LINGO2: variants seen among roughly 807,000 people sequenced by gnomAD.
The protein encoded by LINGO2 is leucine rich repeat and Ig domain containing 2.
LINGO2 carries 14 observed loss-of-function variants against 30.6 expected under a neutral mutation model. The ratio of observed to expected loss-of-function variants is 0.46; its 90% CI spans 0.30 to 0.72. The LOEUF is 0.72. LINGO2 is among the 30% of genes least tolerant of loss of function. The pLI, the probability that LINGO2 is intolerant of heterozygous loss-of-function variation, is 0.07. For missense variants in LINGO2, 729 were observed against 751.7 expected (o/e 0.97, Z 0.35); for synonymous variants, 317 against 288.5 (o/e 1.10, Z -1.00).
chr9:28,703,403 T>C, the LINGO2 span, among the ~76,000 whole-genome samples: 5 of 151,924 alleles, frequency 3.3e-5, no homozygotes, highest in Non-Finnish European at 1.5e-5. Flanking sequence ...TGTTGTTTAT[T>C]CTCCATTGGC....
chr9:28,714,188 T>TATATATATATAC, the LINGO2 span, among the ~76,000 whole-genome samples: 63 of 73,370 alleles, frequency 8.6e-4, no homozygotes, highest in African/African-American at 3.7e-3. Flanking sequence ...TATATATATA[T>TATATATATATAC]ACACACATAC....
intron 5 of LINGO2, among the ~76,000 whole-genome samples, chr9:27,997,928 G>T (rs1587648951): frequency 2.2e-5 from 3 of 136,298 alleles, no homozygotes; most frequent in Non-Finnish European, 4.7e-5. Context: ...TGGGTTTCAG[G>T]AAGGGGATTC....
chr9:28,575,897 G>T (rs1320951227), intron 1 of LINGO2, among the ~76,000 whole-genome samples: 7 of 150,122 alleles, frequency 4.7e-5, no homozygotes, highest in African/African-American at 1.7e-4. Flanking sequence ...TAAAATGAAA[G>T]AGTATATAAT....
chr9:28,231,297 G>A (rs1821346593), intron 4 of LINGO2, among the ~76,000 whole-genome samples: 1 of 151,894 alleles, frequency 6.6e-6, no homozygotes. Flanking sequence ...AAATAAAAGA[G>A]AAGATTCTTC....
At chr9:28,926,799 T>C in the LINGO2 span, among the ~76,000 whole-genome samples, 1 of 152,340 alleles carries the variant, frequency 6.6e-6, no homozygotes, top group East Asian at 1.9e-4. Context: ...GGAAGTGAAC[T>C]GTATTCTCAG....
At chr9:29,098,448 T>TACACAC in the LINGO2 span, among the ~76,000 whole-genome samples, 1 of 149,502 alleles carries the variant, frequency 6.7e-6, no homozygotes, top group Non-Finnish European at 1.5e-5. Flanking sequence ...GGATGAGGGA[T>TACACAC]ACACACACAC....
At chr9:28,491,766 A>G (rs16913206) in intron 1 of LINGO2, among the ~76,000 whole-genome samples, 3,078 of 152,280 alleles carry the variant, frequency 0.02, 92 homozygotes, top group East Asian at 0.092. Flanking sequence ...GGCAGTTTAT[A>G]AAACAGGCTC....
At chr9:29,168,649 T>C in the LINGO2 span, among the ~76,000 whole-genome samples, 1 of 152,230 alleles carries the variant, frequency 6.6e-6, no homozygotes, top group African/African-American at 2.4e-5. Context: ...ATGTGAAACC[T>C]GGCACTTGTG....
intron 1 of LINGO2, among the ~76,000 whole-genome samples, chr9:28,493,724 G>C (rs564604880): frequency 8.1e-4 from 124 of 152,286 alleles, no homozygotes; most frequent in African/African-American, 2.7e-3. Context: ...ATTAACATTT[G>C]AGTCAGTGGA....
chr9:28,917,340 CTTCTCACATTTATTGTCT>C, the LINGO2 span, among the ~76,000 whole-genome samples: 2 of 152,052 alleles, frequency 1.3e-5, no homozygotes, highest in Admixed American at 1.3e-4. Context: ...TGTTTTATTG[CTTCTCACATTTATTGTCT>C]TTCTCCCAGT....
At chr9:28,246,706 G>A (rs1822012423) in intron 4 of LINGO2, among the ~76,000 whole-genome samples, 1 of 152,128 alleles carries the variant, frequency 6.6e-6, no homozygotes, top group Non-Finnish European at 1.5e-5. Context: ...AAGCTTGTAT[G>A]ATGACATCTC....
chr9:28,876,482 T>C, the LINGO2 span, among the ~76,000 whole-genome samples: 1 of 151,436 alleles, frequency 6.6e-6, no homozygotes, highest in Non-Finnish European at 1.5e-5. Context: ...TTCCCACCTA[T>C]GAGTGAGAAC....
At chr9:28,504,660 T>C (rs964151734) in intron 1 of LINGO2, among the ~76,000 whole-genome samples, 2 of 151,584 alleles carry the variant, frequency 1.3e-5, no homozygotes, top group African/African-American at 2.4e-5. Flanking sequence ...TATTTTTATA[T>C]ATGTATTTTA....
chr9:28,498,346 C>T (rs1034212156), intron 1 of LINGO2, among the ~76,000 whole-genome samples: 1 of 152,192 alleles, frequency 6.6e-6, no homozygotes, highest in African/African-American at 2.4e-5. Context: ...CCTACTTAAG[C>T]CTTAGCAATG....
Position 28,354,043 on chromosome 9 carries a change from C to T in LINGO2, c.-246+18793G>A, listed in dbSNP as rs549896826. On this transcript the variant is annotated intron_variant, in intron 3 of 5. Coordinates refer to ENST00000379992, the Ensembl canonical transcript of LINGO2. Reference sequence around the variant, plus strand: ...GGCAGGGATAGCATCGGGAGATATACCTAATGCTAGATGACGAGTTAGTGG... The same window carrying T: ...GGCAGGGATAGCATCGGGAGATATATCTAATGCTAGATGACGAGTTAGTGG... Among the ~76,000 whole-genome samples, 6 of 152,082 alleles carry T rather than the reference C, an allele frequency of 3.9e-5. No individual in the cohort carries two copies. In the East Asian group the frequency reaches 9.7e-4, roughly 25 times the overall value.
the LINGO2 span, among the ~76,000 whole-genome samples, chr9:28,769,585 G>A: frequency 2.4e-5 from 3 of 124,316 alleles, no homozygotes. Context: ...AAGTTCATAG[G>A]TTTATTCAAA....
chr9:28,163,758 T>C (rs1035871044), intron 4 of LINGO2, among the ~76,000 whole-genome samples: 2 of 152,134 alleles, frequency 1.3e-5, no homozygotes, highest in African/African-American at 4.8e-5. Flanking sequence ...TCAATAAGCA[T>C]CACCACACAC....
At chr9:28,847,916 T>G in the LINGO2 span, among the ~76,000 whole-genome samples, 2 of 119,780 alleles carry the variant, frequency 1.7e-5, no homozygotes, top group Admixed American at 9.0e-5. Flanking sequence ...TATACACACA[T>G]ATGTGTGTAT....
intron 2 of LINGO2, among the ~76,000 whole-genome samples, chr9:28,400,210 T>C (rs1822206709): frequency 6.6e-6 from 1 of 152,108 alleles, no homozygotes; most frequent in Admixed American, 6.5e-5. Context: ...AGAGAATTAA[T>C]TTATGGGGAT....
Sources: gnomAD v4.1 joint callset for allele counts (sites outside exome capture counted in the v4.1 genomes callset) on GRCh38, gnomAD v4.1.1 for gene constraint, MANE v1.5 for transcripts, NCBI Gene and HGNC (gene_info 2026-07-23, HGNC 2026-07-21) for gene names.